The following MYH8 variants were observed in gnomAD, a reference collection of about 807,000 sequenced individuals.
The protein encoded by MYH8 is myosin-8.
In MYH8, 168 loss-of-function variants were observed where a neutral mutation model predicts 233.2. That is an observed-to-expected ratio of 0.72 (90% confidence interval 0.64 to 0.82). The LOEUF is 0.82. Among genes scored for constraint, MYH8 ranks in the 40% least tolerant of loss-of-function variants. MYH8 has a pLI of 0.00. For synonymous variants in MYH8, 785 were observed against 850.6 expected, an observed-to-expected ratio of 0.92 and a Z score of 1.34; for missense variants, 1,995 against 2,327.8, an observed-to-expected ratio of 0.86 and a Z score of 2.94.
intron 27 of MYH8, 75 bp from the exon 28 acceptor site, chr17:10,399,744 TGTAGA>T (rs1264773620): frequency 6.3e-7 from 1 of 1,587,030 alleles, no homozygotes; most frequent in East Asian, 2.2e-5. Flanking sequence ...TTAAAATATT[TGTAGA>T]GTAAATAAAT....
At position 10,417,694 on chromosome 17, in the gene MYH8, G is replaced by T. The variant is rs899908873; in HGVS notation, c.511+951C>A. On this transcript the variant is annotated intron_variant, in intron 5 of 39. Transcript: ENST00000403437. This position sits in a 1 kb window ranked among gnomAD's most constrained non-coding sequence, Gnocchi z 4.1. ...TGTTGAGTATTAAAACCTCTGAAATGAGCCAGCGTTTGGATAATTTCTGGG... is the reference window on the plus strand; with the variant it reads ...TGTTGAGTATTAAAACCTCTGAAATTAGCCAGCGTTTGGATAATTTCTGGG... 6.6e-6 allele frequency among the ~76,000 whole-genome samples: 1 copy of T among 152,144 alleles called. No individual in the cohort carries two copies. Among genetic ancestry groups the T allele is most frequent in the Non-Finnish European group, 1.5e-5 (1 of 68,026 alleles).
intron 35 of MYH8, 64 bp from the exon 36 acceptor site, chr17:10,393,274 G>T: frequency 1.3e-6 from 2 of 1,596,268 alleles, no homozygotes; most frequent in Non-Finnish European, 1.7e-6. Flanking sequence ...TTTTACAAGT[G>T]TCTTACTTGT....
At chr17:10,420,771 TG>T (rs1276545995) in intron 2 of MYH8, among the ~76,000 whole-genome samples, 1 of 152,260 alleles carries the variant, frequency 6.6e-6, no homozygotes, top group Non-Finnish European at 1.5e-5. Flanking sequence ...TGTTGATATT[TG>T]GTGTTGTATC....
At chr17:10,401,520 G>T in intron 23 of MYH8, 23 bp downstream of exon 23, 2 of 1,614,094 alleles carry the variant, frequency 1.2e-6, no homozygotes, top group Non-Finnish European at 1.7e-6. Context: ...CCTCTATACA[G>T]TATTGTAAAA....
chr17:10,416,929 A>G (rs2072294491), intron 5 of MYH8, among the ~76,000 whole-genome samples: 1 of 152,170 alleles, frequency 6.6e-6, no homozygotes, highest in South Asian at 2.1e-4. Flanking sequence ...GCTTAGGCCA[A>G]CTCTTACATT....
At position 10,401,206 on chromosome 17, in the gene MYH8, A is replaced by C; in HGVS notation, c.3109-15T>G. 2.5e-6 allele frequency: 4 copies of C among 1,613,536 alleles called. No individual in the cohort carries two copies. Among genetic ancestry groups the C allele is most frequent in the Non-Finnish European group, 3.4e-6 (4 of 1,179,678 alleles). On this transcript the variant is annotated splice_polypyrimidine_tract_variant and intron_variant, in intron 24 of 39. Coordinates refer to ENST00000403437, the MANE Select transcript of MYH8 (RefSeq NM_002472.3). Reference sequence around the variant, plus strand: ...GACCCTTCAAGCTAATAAGAAAGTAAATATGGTAAAAATTGAAAGTATATA... The same window carrying C: ...GACCCTTCAAGCTAATAAGAAAGTACATATGGTAAAAATTGAAAGTATATA...
rs553803179 is a variant in MYH8 at position 10,406,606 on chromosome 17, C to T, written c.2171+84G>A. ...TCTAACCTGTTGTATTATCCTACCACCACAAGACTATATTATTCGACTTCT... is the reference window on the plus strand; with the variant it reads ...TCTAACCTGTTGTATTATCCTACCATCACAAGACTATATTATTCGACTTCT... On this transcript the variant is annotated intron_variant, in intron 19 of 39. Coordinates refer to ENST00000403437, the MANE Select transcript of MYH8 (RefSeq NM_002472.3). 240 of 1,387,914 alleles carry T rather than the reference C, an allele frequency of 1.7e-4. 3 individuals are homozygous for T. In the South Asian group the frequency reaches 2.6e-3, roughly 15 times the overall value. 86.0% of individuals were successfully genotyped at this position (1,387,914 alleles called of 1,614,324 possible). A position where few individuals can be genotyped will look rare whatever the true frequency, so the allele number is the denominator to read the frequency against.
Position 10,414,199 on chromosome 17 carries a change from GC to G in MYH8, c.1000del (p.Ala334ProfsTer26), listed in dbSNP as rs2072269261. Reference protein sequence around the residue: ...PSIDDQEELMATDSAIDILGF... With the variant: ...PSIDDQEELMXTDSAIDILGF... The stretch of plus-strand genomic sequence containing the variant: ...TTAGTGTTTTTGACTTACATCAGTG[GC>G]CATCAACTCTTCTTGGTCATCAATA... On this transcript the variant is annotated frameshift_variant, in exon 11 of 40. Coordinates refer to ENST00000403437, the MANE Select transcript of MYH8 (RefSeq NM_002472.3). LOFTEE classifies it high-confidence loss of function. The G allele has an allele frequency of 6.2e-7, 1 of 1,613,650 alleles. No individual in the cohort carries two copies. Among genetic ancestry groups the G allele is most frequent in the Non-Finnish European group, 8.5e-7 (1 of 1,179,678 alleles).
Position 10,399,616 on chromosome 17 carries a change from C to T in MYH8, c.3789G>A (p.Lys1263=), listed in dbSNP as rs146793402. The T allele has an allele frequency of 2.8e-4, 457 of 1,614,102 alleles. No homozygotes were observed. The African/African-American group carries it at 5.7e-3, about 20-fold the overall frequency. Residue 1263 remains lysine (K), a synonymous_variant, in exon 28 of 40, where the codon AAG becomes AAA. Coordinates refer to ENST00000403437, the MANE Select transcript of MYH8 (RefSeq NM_002472.3). ...GCCGCTGCTGCTCCTCTTCCTTGGTCTTAAGCTCACTCACTTGATCTTCTA... is the reference window on the plus strand; with the variant it reads ...GCCGCTGCTGCTCCTCTTCCTTGGTTTTAAGCTCACTCACTTGATCTTCTA... ...RSLEDQVSEL[K]TKEEEQQRLI... is the part of the protein sequence containing the mutation.
intron 22 of MYH8, among the ~76,000 whole-genome samples, chr17:10,402,414 C>T (rs1169737099): frequency 6.6e-6 from 1 of 152,026 alleles, no homozygotes; most frequent in Non-Finnish European, 1.5e-5. Context: ...TTTACATTTC[C>T]ATTTACAGAA....
chr17:10,420,374 C>A, intron 2 of MYH8, 117 bp from the exon 3 acceptor site: 2 of 905,388 alleles, frequency 2.2e-6, no homozygotes, highest in East Asian at 5.3e-5. Flanking sequence ...TTCCTCCAAA[C>A]TGGCACTCCC....
At position 10,400,269 on chromosome 17, in the gene MYH8, A is replaced by ATATATTT. The variant is rs1343642342; in HGVS notation, c.3735+114_3735+120dup. On this transcript the variant is annotated intron_variant, in intron 27 of 39. Transcript: ENST00000403437. The surrounding 1 kb of genome is among the most constrained non-coding windows in gnomAD (Gnocchi z 4.0). Reference sequence around the variant, plus strand: ...ATTTTAAAAAATACCATAGAATGGGATATATTTGGTTAGAAAATATTTGAG... The same window carrying ATATATTT: ...ATTTTAAAAAATACCATAGAATGGGATATATTTTATATTTGGTTAGAAAATATTTGAG... 1 of 1,280,898 alleles carries ATATATTT rather than the reference A, an allele frequency of 7.8e-7. No homozygotes were observed. Among genetic ancestry groups the ATATATTT allele is most frequent in the East Asian group, 2.3e-5 (1 of 43,286 alleles). The allele number at this position is 1,280,898 out of a possible 1,614,324, so 79.3% of individuals were successfully genotyped here. A position where few individuals can be genotyped will look rare whatever the true frequency, so the allele number is the denominator to read the frequency against.
At position 10,396,124 on chromosome 17, in the gene MYH8, C is replaced by G. The variant is rs2072076025; in HGVS notation, c.4653+206G>C. Among the ~76,000 whole-genome samples the G allele has an allele frequency of 6.6e-6, 1 of 152,148 alleles. No homozygotes were observed. The highest frequency in any genetic ancestry group is 1.5e-5 in the Non-Finnish European group (1 of 68,022). ...TAGATTGCACATCTTTGCCTTAAAG[C>G]TTTACTCCATTTGACATCTTTTGGG... On this transcript the variant is annotated intron_variant, in intron 33 of 39. Coordinates refer to ENST00000403437, the MANE Select transcript of MYH8 (RefSeq NM_002472.3). This position sits in a 1 kb window ranked among gnomAD's most constrained non-coding sequence, Gnocchi z 4.2.
At position 10,413,972 on chromosome 17, in the gene MYH8, C is replaced by T; in HGVS notation, c.1077G>A (p.Val359=). The part of the protein sequence containing the change: ...KVSIYKLTGA[V]MHYGNMKFKQ... ...TGAATTTCATGTTCCCATAATGCAT[C>T]ACAGCCCCTGTGAGTTTATAGATGG... is the stretch of plus-strand genomic sequence containing the variant. Residue 359 remains valine (V), a synonymous_variant, in exon 12 of 40, where the codon GTG becomes GTA. Coordinates refer to ENST00000403437, the MANE Select transcript of MYH8 (RefSeq NM_002472.3). 1 of 1,614,106 alleles carries T rather than the reference C, an allele frequency of 6.2e-7. No homozygotes were observed. Among genetic ancestry groups the T allele is most frequent in the Non-Finnish European group, 8.5e-7 (1 of 1,180,030 alleles).
In MYH8 at chr17:10,415,155, C is replaced by G; in HGVS notation, c.766G>C (p.Gly256Arg). The change falls in exon 9 of 40, where the codon GGT becomes CGT. Residue 256 changes from glycine to arginine, a missense_variant. Gly to Arg is a moderately radical substitution (Grantham distance 125). Coordinates refer to ENST00000403437, the MANE Select transcript of MYH8 (RefSeq NM_002472.3). The surrounding 1 kb of genome is among the most constrained non-coding windows in gnomAD (Gnocchi z 4.1). ...RFGKFIRIHF[G>R]TTGKLASADI... ...GCAGATGCCAGCTTCCCTGTAGTAC[C>G]AAAGTGGATTCTAATGAATTTACCC... 1 of 1,613,418 alleles carries G rather than the reference C, an allele frequency of 6.2e-7. No homozygotes were observed. Among genetic ancestry groups the G allele is most frequent in the Non-Finnish European group, 8.5e-7 (1 of 1,179,362 alleles).
In MYH8 at chr17:10,419,027, G is replaced by C. The variant is rs373015904; in HGVS notation, c.214C>G (p.Leu72Val). Residue 72 changes from leucine (L) to valine (V), a missense_variant, in exon 4 of 40, where the codon CTA (leucine) becomes GTA (valine). Physicochemically the swap from Leu to Val is conservative, Grantham distance 32. Transcript: ENST00000403437. This position sits in a 1 kb window ranked among gnomAD's most constrained non-coding sequence, Gnocchi z 4.0. Reference protein sequence around the residue: ...VTVKTEGGATLTVREDQVFPM... With the variant: ...VTVKTEGGATVTVREDQVFPM... ...AAGACTTGGTCTTCCCTGACAGTTAGAGTCTGGTGAGTAAGCAAGAAACCA... is the reference window on the plus strand; with the variant it reads ...AAGACTTGGTCTTCCCTGACAGTTACAGTCTGGTGAGTAAGCAAGAAACCA... 1.2e-6 allele frequency: 2 copies of C among 1,613,984 alleles called. No homozygotes were observed. Among genetic ancestry groups the C allele is most frequent in the East Asian group, 4.5e-5 (2 of 44,890 alleles).
intron 14 of MYH8, among the ~76,000 whole-genome samples, chr17:10,411,533 A>G (rs1318697521): frequency 1.3e-5 from 2 of 152,196 alleles, no homozygotes; most frequent in Admixed American, 6.5e-5. Context: ...TAAAAGTTCA[A>G]CCATGGTCCT....
intron 5 of MYH8, among the ~76,000 whole-genome samples, chr17:10,416,523 C>A (rs1482149502): frequency 2.0e-5 from 3 of 152,166 alleles, no homozygotes; most frequent in African/African-American, 7.2e-5. Flanking sequence ...TGTTGAGGAA[C>A]TACCATACTG....
chr17:10,400,871 G>T lies in MYH8; in HGVS notation c.3343C>A (p.Gln1115Lys). 1 of 1,613,630 alleles carries T rather than the reference G, an allele frequency of 6.2e-7. No individual in the cohort carries two copies. Among genetic ancestry groups the T allele is most frequent in the South Asian group, 1.1e-5 (1 of 91,068 alleles). The change falls in exon 26 of 40, where the codon CAG becomes AAG. Residue 1115 changes from glutamine to lysine, a missense_variant and splice_region_variant. By Grantham distance (53) the Gln-to-Lys change is moderately conservative. Around this residue, in one of 3 missense-constraint regions of MYH8, gnomAD observed 1,498 missense variants for 1,680.9 expected, o/e 0.89. Coordinates refer to ENST00000403437, the MANE Select transcript of MYH8 (RefSeq NM_002472.3). The surrounding 1 kb of genome is among the most constrained non-coding windows in gnomAD (Gnocchi z 4.0). ...IQLQKKIKEL[Q>K]ARIEELGEEI... ...AAAATAGAGGTGAGATGACTCACCT[G>T]CAACTCTTTGATCTTCTTCTGTAGT...
Sources: gnomAD v4.1 joint callset for allele counts (sites outside exome capture counted in the v4.1 genomes callset) on GRCh38, gnomAD v4.1.1 for gene constraint, gnomAD v4.1.1 regional missense constraint, Gnocchi (gnomAD v3.1) non-coding constraint, MANE v1.5 for transcripts, NCBI Gene and HGNC (gene_info 2026-07-23, HGNC 2026-07-21) for gene names.